KCNN3: variants seen among roughly 807,000 people sequenced by gnomAD.
KCNN3 encodes small conductance calcium-activated potassium channel protein 3.
KCNN3 carries 16 observed loss-of-function variants against 62.9 expected under a neutral mutation model. The observed-to-expected ratio is 0.25, with a 90% CI of 0.17 to 0.39. The LOEUF (loss-of-function observed/expected upper bound fraction) is 0.39. Among genes scored for constraint, KCNN3 ranks in the 10% least tolerant of loss-of-function variants. The pLI, the probability that KCNN3 is intolerant of heterozygous loss-of-function variation, is 1.00. For missense variants in KCNN3, 599 were observed against 949.4 expected, an observed-to-expected ratio of 0.63 and a Z score of 4.85; for synonymous variants, 370 against 389.2, an observed-to-expected ratio of 0.95 and a Z score of 0.58.
At chr1:154,728,812 G>A (rs1213131678) in intron 4 of KCNN3, among the ~76,000 whole-genome samples, 1 of 152,088 alleles carries the variant, frequency 6.6e-6, no homozygotes, top group African/African-American at 2.4e-5. Context: ...AAAAAATGAT[G>A]GGCTGATGGG....
chr1:154,863,620 G>A (rs144764339), intron 1 of KCNN3, among the ~76,000 whole-genome samples: 112 of 152,246 alleles, frequency 7.4e-4, no homozygotes, highest in African/African-American at 2.6e-3. Flanking sequence ...TCTCTACAGA[G>A]GTTACTCAAA....
At position 154,809,261 on chromosome 1, in the gene KCNN3, C is replaced by A. The variant is rs889591115; in HGVS notation, c.1029+12828G>T. Among the ~76,000 whole-genome samples, 1 of 152,222 alleles carries A rather than the reference C, an allele frequency of 6.6e-6. No homozygotes were observed. The highest frequency in any genetic ancestry group is 2.4e-5 in the African/African-American group (1 of 41,458). On this transcript the variant is annotated intron_variant, in intron 2 of 7. Transcript: ENST00000271915. This position sits in a 1 kb window ranked among gnomAD's most constrained non-coding sequence, Gnocchi z 4.3. The stretch of plus-strand genomic sequence containing the variant: ...GCCCCAGCACCAGCAGCCACGCTTT[C>A]ATTTCACAGACTGTGAGTAACACGA...
At chr1:154,786,983 G>T (rs1013555129) in intron 2 of KCNN3, among the ~76,000 whole-genome samples, 1 of 151,290 alleles carries the variant, frequency 6.6e-6, no homozygotes, top group Non-Finnish European at 1.5e-5. Context: ...TCCCCTGGGA[G>T]CCCCCAGGAT....
intron 2 of KCNN3, among the ~76,000 whole-genome samples, chr1:154,786,264 T>G (rs1001282758): frequency 6.6e-6 from 1 of 152,238 alleles, no homozygotes; most frequent in Admixed American, 6.5e-5. Context: ...ATATTTTAAT[T>G]GTTCACCATT....
At chr1:154,840,445 A>C (rs1298281262) in intron 1 of KCNN3, among the ~76,000 whole-genome samples, 1 of 152,190 alleles carries the variant, frequency 6.6e-6, no homozygotes, top group Non-Finnish European at 1.5e-5. Context: ...GCTTATTACA[A>C]GCAGAGGGCC....
chr1:154,756,657 G>A (rs1235903026), intron 3 of KCNN3, among the ~76,000 whole-genome samples: 1 of 152,092 alleles, frequency 6.6e-6, no homozygotes, highest in Non-Finnish European at 1.5e-5. Flanking sequence ...CCTCCCCAGA[G>A]ACACCTCCAA....
In KCNN3 at chr1:154,708,759, T is replaced by C. The variant is rs572579334; in HGVS notation, c.1900-487A>G. Among the ~76,000 whole-genome samples, 54 of 152,184 alleles carry C rather than the reference T, an allele frequency of 3.5e-4. 1 individual carries two copies. Among genetic ancestry groups the C allele is most frequent in the African/African-American group, 1.2e-3 (51 of 41,510 alleles). On this transcript the variant is annotated intron_variant, in intron 7 of 7. Transcript: ENST00000271915. ...GGCGCCTGGCCTCTCTCAATCTCGG[T>C]TGCCTTATAAAATTGGAGTTAATAA...
intron 3 of KCNN3, among the ~76,000 whole-genome samples, chr1:154,770,411 T>C (rs749384606): frequency 4.6e-5 from 7 of 152,174 alleles, no homozygotes; most frequent in Non-Finnish European, 8.8e-5. Context: ...AAGGCACCCA[T>C]GTAGGGTGTG....
At chr1:154,714,228 TGGG>T (rs1557938045) in intron 6 of KCNN3, among the ~76,000 whole-genome samples, 2 of 137,802 alleles carry the variant, frequency 1.5e-5, no homozygotes, top group Non-Finnish European at 1.5e-5. Context: ...ATGGTGTGTG[TGGG>T]GTGTGTGCGG....
Position 154,714,599 on chromosome 1 carries a change from ATG to A in KCNN3, c.1829+275_1829+276del, listed in dbSNP as rs1343636560. Reference sequence around the variant, plus strand: ...GTGTGTGGTGTGTATGGTGTGTGTGATGTGTGGTGTGTGGTGTGTGTGTGTGT... The same window carrying A: ...GTGTGTGGTGTGTATGGTGTGTGTGATGTGGTGTGTGGTGTGTGTGTGTGT... On this transcript the variant is annotated intron_variant, in intron 6 of 7. Transcript: ENST00000271915. Among the ~76,000 whole-genome samples the A allele has an allele frequency of 6.5e-4, 13 of 19,948 alleles. 1 individual carries two copies. Among genetic ancestry groups the A allele is most frequent in the Admixed American group, 1.2e-3 (2 of 1,666 alleles). The allele number at this position is 19,948 out of a possible 152,430, so 13.1% of individuals were successfully genotyped here. A position where few individuals can be genotyped will look rare whatever the true frequency, so the allele number is the denominator to read the frequency against.
intron 2 of KCNN3, among the ~76,000 whole-genome samples, chr1:154,817,761 G>A (rs1650726177): frequency 6.6e-6 from 1 of 152,226 alleles, no homozygotes; most frequent in South Asian, 2.1e-4. Context: ...ACCCCTGGGA[G>A]AAGCAATGGT....
At chr1:154,844,269 T>G (rs1651953831) in intron 1 of KCNN3, among the ~76,000 whole-genome samples, 1 of 152,244 alleles carries the variant, frequency 6.6e-6, no homozygotes, top group Non-Finnish European at 1.5e-5. Flanking sequence ...TATAAAGCAA[T>G]TTTGCTACCT....
chr1:154,768,260 A>G (rs1034268934), intron 3 of KCNN3, among the ~76,000 whole-genome samples: 94 of 152,232 alleles, frequency 6.2e-4, no homozygotes, highest in Non-Finnish European at 1.1e-3. Context: ...CTCTGGCTGA[A>G]TAAGTCCTGG....
At chr1:154,839,221 G>A (rs961808928) in intron 1 of KCNN3, among the ~76,000 whole-genome samples, 5 of 152,098 alleles carry the variant, frequency 3.3e-5, no homozygotes, top group South Asian at 4.1e-4. Flanking sequence ...AGTGACCTGC[G>A]ATCTGCAGAC....
intron 3 of KCNN3, among the ~76,000 whole-genome samples, chr1:154,763,598 G>A (rs1276950412): frequency 1.3e-5 from 2 of 152,142 alleles, no homozygotes; most frequent in East Asian, 1.9e-4. Flanking sequence ...GAGTTTTTAC[G>A]TACAGGGTCA....
Position 154,808,205 on chromosome 1 carries a change from A to G in KCNN3, c.1029+13884T>C, listed in dbSNP as rs796957578. 5.3e-5 allele frequency among the ~76,000 whole-genome samples: 8 copies of G among 152,236 alleles called. 1 individual carries two copies. Among genetic ancestry groups the G allele is most frequent in the African/African-American group, 1.7e-4 (7 of 41,534 alleles). ...TAGAATGGGGCTACTACCATTTTAG[A>G]CCTGGGTGCCTCATCGCTCCAGCTG... On this transcript the variant is annotated intron_variant, in intron 2 of 7. Coordinates refer to ENST00000271915, the MANE Select transcript of KCNN3 (RefSeq NM_002249.6).
chr1:154,730,079 C>T (rs1288517347), intron 4 of KCNN3, among the ~76,000 whole-genome samples: 4 of 152,202 alleles, frequency 2.6e-5, no homozygotes, highest in Non-Finnish European at 5.9e-5. Flanking sequence ...CATTGCACAT[C>T]TTTTAGGTTG....
rs1004759746 is a variant in KCNN3 at position 154,754,740 on chromosome 1, C to T, written c.1448+17235G>A. On this transcript the variant is annotated intron_variant, in intron 3 of 7. Coordinates refer to ENST00000271915, the MANE Select transcript of KCNN3 (RefSeq NM_002249.6). ...CCTGATGATGCCATAGAGCAGCATA[C>T]CTGCTATAGACACCTTTCCGGACTT... 3.3e-5 allele frequency among the ~76,000 whole-genome samples: 5 copies of T among 152,300 alleles called. No individual in the cohort carries two copies. The South Asian group carries it at 1.0e-3, about 32-fold the overall frequency.
chr1:154,861,131 T>C (rs979539466), intron 1 of KCNN3, among the ~76,000 whole-genome samples: 2 of 151,994 alleles, frequency 1.3e-5, no homozygotes, highest in African/African-American at 4.8e-5. Flanking sequence ...ATTTTCTTAT[T>C]TTTAGTAGAG....
Sources: gnomAD v4.1 joint callset for allele counts (sites outside exome capture counted in the v4.1 genomes callset) on GRCh38, gnomAD v4.1.1 for gene constraint, Gnocchi (gnomAD v3.1) non-coding constraint, MANE v1.5 for transcripts, NCBI Gene and HGNC (gene_info 2026-07-23, HGNC 2026-07-21) for gene names.